Variants in DPP10 observed in about 807,000 individuals in gnomAD.
DPP10 encodes the protein dipeptidyl peptidase like 10.
A neutral mutation model predicts 120.9 loss-of-function variants in DPP10; 33 were observed. That is an observed-to-expected ratio of 0.27 (90% CI 0.21 to 0.37). The LOEUF (loss-of-function observed/expected upper bound fraction) is 0.37, where lower values mean the gene tolerates loss of function less well. DPP10 is among the 10% of genes least tolerant of loss of function. The probability of loss-of-function intolerance (pLI) is 1.00; values close to 1 mark genes in which losing one functional copy is unlikely to be tolerated. For missense variants in DPP10, 816 were observed against 942.8 expected, an observed-to-expected ratio of 0.87 and a Z score of 1.76; for synonymous variants, 337 against 326.1, an observed-to-expected ratio of 1.03 and a Z score of -0.36.
intron 1 of DPP10, among the ~76,000 whole-genome samples, chr2:114,889,906 T>A (rs1692400300): frequency 6.6e-6 from 1 of 152,220 alleles, no homozygotes; most frequent in East Asian, 1.9e-4. Flanking sequence ...TCTGTTGAGA[T>A]GTTCTTAAAG....
intron 5 of DPP10, among the ~76,000 whole-genome samples, chr2:115,684,659 G>A (rs2090873740): frequency 6.6e-6 from 1 of 151,784 alleles, no homozygotes; most frequent in Non-Finnish European, 1.5e-5. Flanking sequence ...TGTATCCAGA[G>A]ATACAAGCCT....
At chr2:114,570,857 AAAAG>A (rs1220496599) in intron 1 of DPP10, among the ~76,000 whole-genome samples, 3 of 150,664 alleles carry the variant, frequency 2.0e-5, no homozygotes, top group Admixed American at 6.6e-5. Context: ...AAAAAAAAAA[AAAAG>A]AAAAGTAGAT....
chr2:115,605,211 G>A (rs1575315050), intron 5 of DPP10, among the ~76,000 whole-genome samples: 1 of 152,150 alleles, frequency 6.6e-6, no homozygotes, highest in Middle Eastern at 3.4e-3. Context: ...CAATTTTTGG[G>A]ATGTCACAAG....
At chr2:115,206,362 A>G (rs2056128564) in intron 1 of DPP10, among the ~76,000 whole-genome samples, 1 of 152,142 alleles carries the variant, frequency 6.6e-6, no homozygotes, top group East Asian at 1.9e-4. Context: ...ATTAATTACT[A>G]TTCTCTGAAA....
At chr2:115,168,209 G>A (rs2053052577) in intron 1 of DPP10, among the ~76,000 whole-genome samples, 1 of 152,050 alleles carries the variant, frequency 6.6e-6, no homozygotes, top group Admixed American at 6.5e-5. Context: ...AAACACACAT[G>A]TATGCTCCAC....
At chr2:115,270,066 T>TCACACACACACACACACACACA (rs57649162) in intron 1 of DPP10, among the ~76,000 whole-genome samples, 2 of 130,642 alleles carry the variant, frequency 1.5e-5, no homozygotes, top group African/African-American at 3.0e-5. Flanking sequence ...TAGGTATACT[T>TCACACACACACACACACACACA]CACACACACA....
chr2:115,683,012 A>G lies in DPP10; in HGVS notation c.442-6675A>G, dbSNP rs374364659. On this transcript the variant is annotated intron_variant, in intron 5 of 25. Transcript: ENST00000410059. ...GGGACCGCATCATGCTGCCTATAAC[A>G]GAATGACCAAATTGGTTTTGTGACG... Among the ~76,000 whole-genome samples the G allele has an allele frequency of 3.3e-5, 5 of 152,022 alleles. No individual in the cohort carries two copies. In the East Asian group the frequency reaches 9.7e-4, roughly 29 times the overall value.
At chr2:115,586,099 G>T (rs994020531) in intron 5 of DPP10, among the ~76,000 whole-genome samples, 3 of 152,094 alleles carry the variant, frequency 2.0e-5, no homozygotes, top group Admixed American at 1.3e-4. Flanking sequence ...GAGGCAGGTG[G>T]ATCACCTGAG....
intron 3 of DPP10, among the ~76,000 whole-genome samples, chr2:115,444,628 A>C (rs1033149095): frequency 6.6e-6 from 1 of 152,134 alleles, no homozygotes; most frequent in African/African-American, 2.4e-5. Flanking sequence ...CCAAGTTCCA[A>C]AGTGTTTTAG....
At chr2:115,007,050 C>G (rs1472511583) in intron 1 of DPP10, among the ~76,000 whole-genome samples, 1 of 152,074 alleles carries the variant, frequency 6.6e-6, no homozygotes, top group African/African-American at 2.4e-5. Flanking sequence ...AACTAGAACT[C>G]AGGATTAAGA....
intron 17 of DPP10, among the ~76,000 whole-genome samples, chr2:115,786,294 A>G (rs1683337080): frequency 6.6e-6 from 1 of 152,224 alleles, no homozygotes; most frequent in South Asian, 2.1e-4. Context: ...CAAGATAAAC[A>G]TTGTTCATCA....
At chr2:114,611,421 A>C (rs139995889) in intron 1 of DPP10, among the ~76,000 whole-genome samples, 1 of 152,316 alleles carries the variant, frequency 6.6e-6, no homozygotes, top group African/African-American at 2.4e-5. Flanking sequence ...GAAATGCATA[A>C]AGATGAACAA....
intron 1 of DPP10, among the ~76,000 whole-genome samples, chr2:114,796,457 TAATAATATAGTATATAATATATA>T (rs1044120500): frequency 3.3e-5 from 5 of 151,930 alleles, no homozygotes; most frequent in African/African-American, 1.2e-4. Context: ...TACTTTATTG[TAATAATATAGTATATAATATATA>T]TATAACATAC....
intron 1 of DPP10, among the ~76,000 whole-genome samples, chr2:115,165,546 C>A (rs914163210): frequency 6.6e-6 from 1 of 152,122 alleles, no homozygotes; most frequent in East Asian, 1.9e-4. Context: ...CGCTACTGAT[C>A]TAAATAATAT....
intron 1 of DPP10, chr2:114,461,754 T>A: frequency 1.6e-5 from 16 of 985,426 alleles, no homozygotes; most frequent in Non-Finnish European, 1.9e-5. Flanking sequence ...AGTCTGGGGC[T>A]CAGTGCTGCC....
chr2:114,472,250 C>A (rs1679982540), intron 1 of DPP10, among the ~76,000 whole-genome samples: 1 of 152,142 alleles, frequency 6.6e-6, no homozygotes, highest in Admixed American at 6.5e-5. Flanking sequence ...AAGTTAGGTC[C>A]TTACTGTCCT....
At chr2:115,395,147 G>T (rs539868152) in intron 3 of DPP10, among the ~76,000 whole-genome samples, 81 of 152,306 alleles carry the variant, frequency 5.3e-4, no homozygotes, top group African/African-American at 1.5e-3. Context: ...CTGGGTCCCG[G>T]AAGTTTATGA....
At chr2:115,608,414 C>T (rs903464211) in intron 5 of DPP10, among the ~76,000 whole-genome samples, 4 of 53,818 alleles carry the variant, frequency 7.4e-5, no homozygotes, top group African/African-American at 1.4e-4. Flanking sequence ...ATAACAATAA[C>T]AACAAAAAAC....
rs567976141 is a variant in DPP10, at chr2:114,970,999, A to G, written c.61-338240A>G. ...GTCATTAGTAAGGAATAGACAACTC[A>G]ATTAGGTAATCCAGGGAGATACATT... is the stretch of plus-strand genomic sequence containing the variant. On this transcript the variant is annotated intron_variant, in intron 1 of 25. Coordinates refer to ENST00000410059, the MANE Select transcript of DPP10 (RefSeq NM_020868.6). 3.3e-5 allele frequency among the ~76,000 whole-genome samples: 5 copies of G among 152,324 alleles called. No individual in the cohort carries two copies. The South Asian group carries it at 6.2e-4, about 19-fold the overall frequency.
Sources: allele counts gnomAD v4.1 joint callset (sites outside exome capture counted in the v4.1 genomes callset), GRCh38; gene constraint gnomAD v4.1.1; transcripts MANE v1.5; gene names NCBI Gene and HGNC (gene_info 2026-07-23, HGNC 2026-07-21).